Variants in LARS2 observed in about 807,000 individuals in gnomAD.
The protein encoded by LARS2 is leucine--tRNA ligase, mitochondrial.
A neutral mutation model predicts 116.6 loss-of-function variants in LARS2; 81 were observed. The observed-to-expected ratio is 0.69, with a 90% CI of 0.58 to 0.84. The LOEUF is 0.84. Ranked by LOEUF, LARS2 falls within the 40% of genes least tolerant of loss-of-function variation. The pLI, the probability that LARS2 is intolerant of heterozygous loss-of-function variation, is 0.00. For missense variants in LARS2, 968 were observed against 1,114.5 expected (o/e 0.87, Z 1.87); for synonymous variants, 396 against 407.2 (o/e 0.97, Z 0.33).
chr3:45,410,718 T>C (rs1429981898), intron 4 of LARS2, among the ~76,000 whole-genome samples: 2 of 152,220 alleles, frequency 1.3e-5, no homozygotes, highest in African/African-American at 4.8e-5. Context: ...GAAGCCCTTA[T>C]GGCTTCTGAC....
chr3:45,432,183 G>C (rs1056883235), intron 6 of LARS2, among the ~76,000 whole-genome samples: 1 of 152,150 alleles, frequency 6.6e-6, no homozygotes, highest in Non-Finnish European at 1.5e-5. Flanking sequence ...GAATTGAAGA[G>C]AGAAATAGAC....
intron 20 of LARS2, among the ~76,000 whole-genome samples, chr3:45,528,805 C>A (rs922800756): frequency 6.6e-5 from 10 of 151,918 alleles, no homozygotes; most frequent in Admixed American, 2.0e-4. Flanking sequence ...CATCTTATAA[C>A]CTGATTTACT....
chr3:45,501,244 G>T (rs1213485801), intron 15 of LARS2, among the ~76,000 whole-genome samples: 2 of 149,254 alleles, frequency 1.3e-5, no homozygotes, highest in Non-Finnish European at 3.0e-5. Context: ...TCCCCAAGGT[G>T]CCCCCTCCAA....
chr3:45,502,592 G>C (rs1700139016), intron 15 of LARS2, among the ~76,000 whole-genome samples: 1 of 152,006 alleles, frequency 6.6e-6, no homozygotes, highest in South Asian at 2.1e-4. Flanking sequence ...TGTATTTTTA[G>C]TAGAGATGGA....
At chr3:45,546,366 C>T (rs761611013) in intron 21 of LARS2, among the ~76,000 whole-genome samples, 25 of 152,210 alleles carry the variant, frequency 1.6e-4, no homozygotes, top group Admixed American at 3.9e-4. Flanking sequence ...CGCTTTAAAA[C>T]GCTGCAGCAT....
At chr3:45,533,735 G>A (rs1391720663) in intron 20 of LARS2, among the ~76,000 whole-genome samples, 1 of 152,136 alleles carries the variant, frequency 6.6e-6, no homozygotes, top group East Asian at 1.9e-4. Context: ...TCCTCTCCCT[G>A]GCAGGTCTTA....
intron 13 of LARS2, among the ~76,000 whole-genome samples, chr3:45,495,792 C>A (rs898874864): frequency 1.3e-5 from 2 of 151,928 alleles, no homozygotes; most frequent in Admixed American, 6.5e-5. Context: ...AAATAAATTT[C>A]TTTAAAACAT....
chr3:45,491,481 C>T lies in LARS2; in HGVS notation c.1240-36C>T, dbSNP rs375254554. On this transcript the variant is annotated intron_variant, in intron 12 of 21. Transcript: ENST00000645846. ...CATCAGGGTGGTGACTGGTGCTATGCGGAGAGGAGTGAGCTTTCTTTTCTT... is the reference window on the plus strand; with the variant it reads ...CATCAGGGTGGTGACTGGTGCTATGTGGAGAGGAGTGAGCTTTCTTTTCTT... 5.0e-5 allele frequency: 80 copies of T among 1,603,956 alleles called. No individual in the cohort carries two copies. The African/African-American group carries it at 6.4e-4, about 13-fold the overall frequency.
intron 6 of LARS2, among the ~76,000 whole-genome samples, chr3:45,433,600 T>C (rs1318798690): frequency 1.3e-5 from 2 of 152,168 alleles, no homozygotes; most frequent in African/African-American, 2.4e-5. Context: ...ACATAGACAA[T>C]GATAATTTTT....
chr3:45,517,580 G>A (rs1423413622), intron 17 of LARS2, among the ~76,000 whole-genome samples: 1 of 152,190 alleles, frequency 6.6e-6, no homozygotes, highest in Non-Finnish European at 1.5e-5. Context: ...GTCCCAGCAA[G>A]CTTGCTTAAT....
intron 6 of LARS2, among the ~76,000 whole-genome samples, chr3:45,428,113 G>A (rs565642052): frequency 3.3e-5 from 5 of 151,618 alleles, no homozygotes; most frequent in East Asian, 2.0e-4. Flanking sequence ...GAGCCACCAC[G>A]CCTGGCCACT....
At chr3:45,456,975 G>T (rs1463247186) in intron 7 of LARS2, among the ~76,000 whole-genome samples, 1 of 152,212 alleles carries the variant, frequency 6.6e-6, no homozygotes, top group Non-Finnish European at 1.5e-5. Flanking sequence ...CACCCGAAAG[G>T]AGTCATTGAA....
chr3:45,405,238 G>T (rs1296047019), intron 4 of LARS2, among the ~76,000 whole-genome samples: 1 of 152,074 alleles, frequency 6.6e-6, no homozygotes, highest in Non-Finnish European at 1.5e-5. Flanking sequence ...ACAGGCATGA[G>T]CCACCACACC....
At chr3:45,541,752 A>T (rs1289212332) in intron 20 of LARS2, 77 bp from the exon 21 acceptor site, 7 of 1,554,542 alleles carry the variant, frequency 4.5e-6, no homozygotes, top group Non-Finnish European at 6.1e-6. Context: ...CTGTGTTGGG[A>T]TGGAAGCTTT....
At position 45,416,350 on chromosome 3, in the gene LARS2, T is replaced by G. The variant is rs1273817560; in HGVS notation, c.364-1132T>G. On this transcript the variant is annotated intron_variant, in intron 4 of 21. Coordinates refer to ENST00000645846, the MANE Select transcript of LARS2 (RefSeq NM_015340.4). ...CTCAATCAGGGGAGAGAGAGAGAGA[T>G]AGAAGAAAGAAGTGTGAAACTCTTG... Among the ~76,000 whole-genome samples the G allele has an allele frequency of 4.0e-5, 6 of 151,254 alleles. No homozygotes were observed. In the East Asian group the frequency reaches 9.7e-4, roughly 24 times the overall value.
At chr3:45,490,077 A>G (rs1036977019) in intron 12 of LARS2, among the ~76,000 whole-genome samples, 3 of 152,200 alleles carry the variant, frequency 2.0e-5, no homozygotes, top group African/African-American at 7.2e-5. Context: ...TAAGGAGTCC[A>G]TGTTTTATAA....
intron 8 of LARS2, among the ~76,000 whole-genome samples, chr3:45,466,068 A>C (rs899505465): frequency 3.3e-5 from 5 of 152,242 alleles, no homozygotes; most frequent in African/African-American, 1.2e-4. Flanking sequence ...AAATGGAAGA[A>C]ATAATTTAAT....
At chr3:45,412,460 T>G (rs1698346320) in intron 4 of LARS2, among the ~76,000 whole-genome samples, 2 of 152,258 alleles carry the variant, frequency 1.3e-5, no homozygotes, top group Admixed American at 1.3e-4. Context: ...ATTGGTTACA[T>G]CATTGACGAG....
intron 6 of LARS2, 52 bp from the exon 7 acceptor site, chr3:45,446,839 C>A: frequency 9.3e-7 from 1 of 1,075,712 alleles, no homozygotes; most frequent in Non-Finnish European, 1.4e-6. Flanking sequence ...GCATGCATGG[C>A]TGGGGGGATG....
Sources: gnomAD v4.1 joint callset for allele counts (sites outside exome capture counted in the v4.1 genomes callset) on GRCh38, gnomAD v4.1.1 for gene constraint, MANE v1.5 for transcripts, NCBI Gene and HGNC (gene_info 2026-07-23, HGNC 2026-07-21) for gene names.